PHLDB2: variants seen among roughly 807,000 people sequenced by gnomAD.
PHLDB2 encodes the protein pleckstrin homology like domain family B member 2.
PHLDB2 carries 71 observed loss-of-function variants against 123.6 expected under a neutral mutation model. The observed-to-expected ratio is 0.57, with a 90% CI of 0.47 to 0.70. PHLDB2 has a LOEUF of 0.70. PHLDB2 is among the 30% of genes least tolerant of loss of function. PHLDB2 has a pLI of 0.00. For synonymous variants in PHLDB2, 547 were observed against 541.6 expected, an observed-to-expected ratio of 1.01 and a Z score of -0.14; for missense variants, 1,446 against 1,519.5, an observed-to-expected ratio of 0.95 and a Z score of 0.80.
intron 1 of PHLDB2, among the ~76,000 whole-genome samples, chr3:111,803,941 A>G (rs1466842310): frequency 2.0e-5 from 3 of 152,186 alleles, no homozygotes; most frequent in African/African-American, 7.2e-5. Flanking sequence ...CTCAGACCAA[A>G]TTCATGTAAT....
intron 5 of PHLDB2, among the ~76,000 whole-genome samples, chr3:111,929,019 T>TA (rs1226573438): frequency 1.3e-5 from 2 of 152,200 alleles, no homozygotes; most frequent in African/African-American, 2.4e-5. Flanking sequence ...CCCAGCACTT[T>TA]AGGAGGCCGA....
At chr3:111,966,557 A>T in intron 13 of PHLDB2, 56 bp from the exon 14 acceptor site, 2 of 1,171,978 alleles carry the variant, frequency 1.7e-6, no homozygotes, top group African/African-American at 1.6e-5. Context: ...TGTATGTATT[A>T]GAGAGACTTC....
chr3:111,739,959 A>AT (rs1354851884), intron 1 of PHLDB2, among the ~76,000 whole-genome samples: 1 of 151,726 alleles, frequency 6.6e-6, no homozygotes, highest in Non-Finnish European at 1.5e-5. Context: ...CATTTTTAAA[A>AT]TTTTTTTTTA....
intron 1 of PHLDB2, among the ~76,000 whole-genome samples, chr3:111,779,334 G>A (rs1229688081): frequency 6.6e-6 from 1 of 151,916 alleles, no homozygotes; most frequent in Admixed American, 6.6e-5. Context: ...GAGATTTGGG[G>A]TATGATTGAA....
Position 111,831,034 on chromosome 3 carries a change from G to GAAAGAAAGAAAGAAAGAAAGAAAGAAAGA in PHLDB2, c.-48-14785_-48-14784insAGAAAGAAAGAAAGAAAGAAAGAAAGAAA, listed in dbSNP as rs1559855393. ...GAAAGAAAGAAAGAAAGAAAGAAAG[G>GAAAGAAAGAAAGAAAGAAAGAAAGAAAGA]AAGGAAGGAAGAAAGAGAAAAGAGA... On this transcript the variant is annotated intron_variant, in intron 1 of 17. Transcript: ENST00000393923. Among the ~76,000 whole-genome samples, 4 of 46,134 alleles carry GAAAGAAAGAAAGAAAGAAAGAAAGAAAGA rather than the reference G, an allele frequency of 8.7e-5. 1 individual carries two copies. Among genetic ancestry groups the GAAAGAAAGAAAGAAAGAAAGAAAGAAAGA allele is most frequent in the African/African-American group, 2.5e-4 (3 of 12,010 alleles). The allele number at this position is 46,134 out of a possible 152,430, so 30.3% of individuals were successfully genotyped here. A position where few individuals can be genotyped will look rare whatever the true frequency, so the allele number is the denominator to read the frequency against.
Position 111,934,841 on chromosome 3 carries a change from AT to A in PHLDB2, c.2130+2445del, listed in dbSNP as rs541564566. ...ATCTCATCCTACCTTCTCATTTCAT[AT>A]ATGAGGATATTTAGGCCCATAGAGT... On this transcript the variant is annotated intron_variant, in intron 6 of 17. Transcript: ENST00000431670. Among the ~76,000 whole-genome samples the A allele has an allele frequency of 1.6e-3, 248 of 152,324 alleles. 1 individual carries two copies. Among genetic ancestry groups the A allele is most frequent in the African/African-American group, 5.5e-3 (228 of 41,584 alleles).
chr3:111,739,328 T>G (rs1271433920), intron 1 of PHLDB2, among the ~76,000 whole-genome samples: 2 of 152,114 alleles, frequency 1.3e-5, no homozygotes, highest in African/African-American at 2.4e-5. Flanking sequence ...CTGAATTCTC[T>G]TGTCCAGCAC....
In PHLDB2 at chr3:111,864,532, C is replaced by A. The variant is rs530858155; in HGVS notation, c.-15+4956C>A. Among the ~76,000 whole-genome samples the A allele has an allele frequency of 1.1e-4, 16 of 152,262 alleles. No homozygotes were observed. In the South Asian group the frequency reaches 1.2e-3, roughly 12 times the overall value. On this transcript the variant is annotated intron_variant, in intron 1 of 17. Coordinates refer to ENST00000431670, the MANE Select transcript of PHLDB2 (RefSeq NM_001134438.2). The stretch of plus-strand genomic sequence containing the variant: ...TTTCTTAGACATTGCAGAAAAGGAG[C>A]TTTGTGCTGTATCTGCTTTAAAGGC...
At chr3:111,932,438 GT>G (rs1294756611) in intron 6 of PHLDB2, 41 bp downstream of exon 6, 1 of 1,518,106 alleles carries the variant, frequency 6.6e-7, no homozygotes, top group Non-Finnish European at 8.9e-7. Context: ...TTTGCTTTTC[GT>G]TTTTGTTTTT....
At chr3:111,916,186 C>T (rs2068166282) in intron 3 of PHLDB2, 1 of 152,174 alleles carries the variant, frequency 6.6e-6, no homozygotes, top group Admixed American at 6.5e-5. Context: ...TAGGAGGCCT[C>T]TGAAGCTTAG....
At chr3:111,842,336 CCT>C (rs1400296557) in intron 1 of PHLDB2, among the ~76,000 whole-genome samples, 3 of 152,156 alleles carry the variant, frequency 2.0e-5, no homozygotes, top group African/African-American at 4.8e-5. Context: ...ATATCCCCAT[CCT>C]CACACAAACA....
intron 1 of PHLDB2, among the ~76,000 whole-genome samples, chr3:111,759,325 G>A (rs111284207): frequency 1.3e-5 from 2 of 152,270 alleles, no homozygotes; most frequent in African/African-American, 4.8e-5. Context: ...GTCCTCACAT[G>A]GTGGAAGGAC....
intron 1 of PHLDB2, among the ~76,000 whole-genome samples, chr3:111,770,779 C>T (rs1023440577): frequency 5.3e-5 from 8 of 152,120 alleles, no homozygotes; most frequent in African/African-American, 1.9e-4. Context: ...GAAGATTTTG[C>T]CAGGATATGC....
chr3:111,872,645 C>A (rs759159679), intron 1 of PHLDB2, among the ~76,000 whole-genome samples: 1 of 152,162 alleles, frequency 6.6e-6, no homozygotes, highest in Non-Finnish European at 1.5e-5. Flanking sequence ...TCAAAATACA[C>A]GACTGATGAC....
intron 2 of PHLDB2, among the ~76,000 whole-genome samples, chr3:111,899,151 A>T (rs1338395195): frequency 6.6e-6 from 1 of 152,216 alleles, no homozygotes; most frequent in African/African-American, 2.4e-5. Flanking sequence ...ACCCCATGGG[A>T]TGTAAAATGG....
At chr3:111,791,126 T>G (rs2108193297) in intron 1 of PHLDB2, among the ~76,000 whole-genome samples, 2 of 152,372 alleles carry the variant, frequency 1.3e-5, no homozygotes, top group East Asian at 3.9e-4. Flanking sequence ...TTCAGAATTA[T>G]AAAAATAGTT....
chr3:111,913,251 G>T, intron 2 of PHLDB2, 68 bp from the exon 3 acceptor site: 1 of 1,484,308 alleles, frequency 6.7e-7, no homozygotes, highest in Non-Finnish European at 9.0e-7. Flanking sequence ...AGCCTCTTCA[G>T]TCTTTTTATT....
chr3:111,890,443 A>G (rs2066413409), intron 2 of PHLDB2, among the ~76,000 whole-genome samples: 1 of 152,210 alleles, frequency 6.6e-6, no homozygotes, highest in Non-Finnish European at 1.5e-5. Flanking sequence ...AATTGACTGG[A>G]TAGAGTGAGT....
intron 12 of PHLDB2, chr3:111,958,192 CTT>C (rs1332965610): frequency 1.1e-6 from 1 of 870,806 alleles, no homozygotes; most frequent in Admixed American, 6.2e-5. Context: ...GATCTTGTAT[CTT>C]TTTCCCTTTC....
Sources: gnomAD v4.1 joint callset for allele counts (sites outside exome capture counted in the v4.1 genomes callset) on GRCh38, gnomAD v4.1.1 for gene constraint, MANE v1.5 for transcripts, NCBI Gene and HGNC (gene_info 2026-07-23, HGNC 2026-07-21) for gene names.